Variants in FRMPD4 observed in about 807,000 individuals in gnomAD.
FRMPD4 encodes FERM and PDZ domain containing 4, also known as FERM and PDZ domain-containing protein 4.
In FRMPD4, 22 loss-of-function variants were observed where a neutral mutation model predicts 94.1. The observed-to-expected ratio is 0.23, with a 90% CI of 0.17 to 0.33. FRMPD4 has a LOEUF of 0.33. FRMPD4 is among the 10% of genes least tolerant of loss of function. FRMPD4 has a pLI of 1.00. For missense variants in FRMPD4, 1,111 were observed against 1,339.9 expected (o/e 0.83, Z 2.67); for synonymous variants, 631 against 548.6 (o/e 1.15, Z -2.10).
At chrX:12,396,455 G>A (rs2056543714) in intron 1 of FRMPD4, among the ~76,000 whole-genome samples, 1 of 112,066 alleles carries the variant, frequency 8.9e-6, no homozygotes, top group Non-Finnish European at 1.9e-5. Flanking sequence ...TTTAATGATT[G>A]TTATCCCACT....
intron 1 of FRMPD4, among the ~76,000 whole-genome samples, chrX:12,421,049 G>A (rs16986868): frequency 0.018 from 1,982 of 111,794 alleles, 46 homozygotes; most frequent in African/African-American, 0.062. Context: ...ATAGGTGTTC[G>A]AAGACATGGA....
chrX:12,710,479 T>C lies in FRMPD4; in HGVS notation c.1551T>C (p.Asp517=), dbSNP rs1415293748. ...CTGGATACTACCGGCTGCTTGTTGA[T>C]TCCAGGAGGTCGATATTTAACATGG... ...LTAGYYRLLV[D]SRRSIFNMAN... is the part of the protein sequence containing the mutation. Residue 517 remains aspartate, a synonymous_variant, in exon 14 of 17, where the codon GAT becomes GAC. Transcript: ENST00000675598. 8.3e-7 allele frequency: 1 copy of C among 1,201,711 alleles called. No individual in the cohort carries two copies. The highest frequency in any genetic ancestry group is 3.0e-5 in the East Asian group (1 of 33,727).
intron 1 of FRMPD4, among the ~76,000 whole-genome samples, chrX:12,391,641 C>T (rs767393943): frequency 4.5e-5 from 5 of 111,361 alleles, no homozygotes; most frequent in South Asian, 3.9e-4. Flanking sequence ...TGGGAAGCCA[C>T]GTGCTTTGAC....
intron 2 of FRMPD4, among the ~76,000 whole-genome samples, chrX:12,499,995 GGTTTTTTTGTTTC>G (rs941167985): frequency 1.3e-4 from 14 of 111,654 alleles, no homozygotes; most frequent in Non-Finnish European, 3.8e-5. Flanking sequence ...GCTGCAGAGT[GGTTTTTTTGTTTC>G]GTTTTTTTGT....
At chrX:11,826,850 A>G (rs1265235142) in intron 1 of FRMPD4, among the ~76,000 whole-genome samples, 4 of 109,734 alleles carry the variant, frequency 3.6e-5, no homozygotes, top group Non-Finnish European at 7.6e-5. Context: ...TTCCCAGACA[A>G]AGAGGAATGA....
intron 1 of FRMPD4, among the ~76,000 whole-genome samples, chrX:11,835,790 C>T (rs755751942): frequency 6.2e-5 from 7 of 112,203 alleles, no homozygotes; most frequent in Non-Finnish European, 1.1e-4. Flanking sequence ...ACTTGACATG[C>T]TGTGCAGGAA....
At chrX:12,538,896 G>A (rs751198415) in intron 2 of FRMPD4, among the ~76,000 whole-genome samples, 5 of 112,235 alleles carry the variant, frequency 4.5e-5, no homozygotes, top group South Asian at 3.7e-4. Context: ...AAATCAGAGC[G>A]ACTCTCCCCC....
At chrX:11,881,085 G>A (rs1051173948) in intron 3 of FRMPD4, among the ~76,000 whole-genome samples, 24 of 112,478 alleles carry the variant, frequency 2.1e-4, no homozygotes, top group Middle Eastern at 4.6e-3. Context: ...ATGAGATGCC[G>A]TGCCACACCT....
intron 4 of FRMPD4, among the ~76,000 whole-genome samples, chrX:12,653,746 A>AG (rs1210467364): frequency 9.0e-6 from 1 of 111,407 alleles, no homozygotes; most frequent in African/African-American, 3.3e-5. Flanking sequence ...AAAAAAAAAA[A>AG]AAAGAAAACC....
chrX:12,674,641 T>C (rs1273087099), intron 4 of FRMPD4, among the ~76,000 whole-genome samples: 1 of 111,988 alleles, frequency 8.9e-6, no homozygotes, highest in Non-Finnish European at 1.9e-5. Flanking sequence ...GTAAACTTAC[T>C]AGGAAGCTTT....
At chrX:12,276,575 A>T (rs143880887) in intron 1 of FRMPD4, among the ~76,000 whole-genome samples, 1,559 of 112,179 alleles carry the variant, frequency 0.014, 9 homozygotes, top group Middle Eastern at 0.023. Flanking sequence ...TGGAGCCTCC[A>T]GGTATCCTGC....
intron 3 of FRMPD4, among the ~76,000 whole-genome samples, chrX:11,922,682 T>C (rs1209599099): frequency 8.9e-6 from 1 of 112,320 alleles, no homozygotes; most frequent in East Asian, 2.8e-4. Context: ...CCACAGCCAC[T>C]TGAGGTGGCA....
At chrX:12,554,974 C>T (rs183389810) in intron 2 of FRMPD4, among the ~76,000 whole-genome samples, 5 of 111,220 alleles carry the variant, frequency 4.5e-5, no homozygotes, top group Non-Finnish European at 7.5e-5. Context: ...TCTGGGGGGC[C>T]GTAGGTCCCA....
At chrX:12,240,442 G>A (rs2057116555) in intron 1 of FRMPD4, among the ~76,000 whole-genome samples, 1 of 112,149 alleles carries the variant, frequency 8.9e-6, no homozygotes, top group South Asian at 3.7e-4. Flanking sequence ...CAGATATAGT[G>A]AACAAGAGTC....
chrX:12,168,476 C>T (rs757421011), intron 1 of FRMPD4, among the ~76,000 whole-genome samples: 9 of 110,524 alleles, frequency 8.1e-5, no homozygotes, highest in Non-Finnish European at 1.3e-4. Context: ...AACACAAAAC[C>T]GCAAGAAAAT....
intron 3 of FRMPD4, 120 bp from the exon 4 acceptor site, chrX:12,614,659 G>A: frequency 2.1e-6 from 1 of 472,331 alleles, no homozygotes; most frequent in South Asian, 3.4e-5. Flanking sequence ...ACCCAAGTGT[G>A]GTTGGGTTTC....
At chrX:11,950,209 T>G (rs1402008181) in intron 3 of FRMPD4, among the ~76,000 whole-genome samples, 1 of 112,055 alleles carries the variant, frequency 8.9e-6, no homozygotes, top group Non-Finnish European at 1.9e-5. Flanking sequence ...TGCCACCCTG[T>G]GAAGAAGGTG....
intron 1 of FRMPD4, among the ~76,000 whole-genome samples, chrX:11,840,434 T>A (rs1012057965): frequency 5.4e-5 from 6 of 111,188 alleles, no homozygotes; most frequent in African/African-American, 2.0e-4. Flanking sequence ...TAGGCTGGTA[T>A]GTTAGTTGTA....
At chrX:11,932,764 C>G (rs1026743210) in intron 3 of FRMPD4, among the ~76,000 whole-genome samples, 4 of 110,576 alleles carry the variant, frequency 3.6e-5, no homozygotes, top group African/African-American at 1.3e-4. Context: ...TTGCCATATG[C>G]TTCATCCTCC....
Sources: allele counts gnomAD v4.1 joint callset (sites outside exome capture counted in the v4.1 genomes callset), GRCh38; gene constraint gnomAD v4.1.1; transcripts MANE v1.5; gene names NCBI Gene and HGNC (gene_info 2026-07-23, HGNC 2026-07-21).